The following MEF2A variants were observed in gnomAD, a reference collection of about 807,000 sequenced individuals.
The protein encoded by MEF2A is myocyte enhancer factor 2A, also known as myocyte-specific enhancer factor 2A.
Under a neutral mutation model 55.8 loss-of-function variants are expected in MEF2A, and 28 were observed. The observed-to-expected ratio is 0.50, with a 90% CI of 0.37 to 0.69. The LOEUF (loss-of-function observed/expected upper bound fraction) is 0.69. Ranked by LOEUF, MEF2A falls within the 30% of genes least tolerant of loss-of-function variation. The pLI, the probability that MEF2A is intolerant of heterozygous loss-of-function variation, is 0.00. For missense variants in MEF2A, 528 were observed against 626.2 expected, an observed-to-expected ratio of 0.84 and a Z score of 1.67; for synonymous variants, 239 against 227.1, an observed-to-expected ratio of 1.05 and a Z score of -0.47.
intron 5 of MEF2A, among the ~76,000 whole-genome samples, chr15:99,673,122 CAT>C (rs1167978721): frequency 6.6e-6 from 1 of 152,154 alleles, no homozygotes; most frequent in Non-Finnish European, 1.5e-5. Flanking sequence ...TGCATTTCCA[CAT>C]GTCAGGTTTG....
chr15:99,594,462 T>C (rs1970451081), intron 1 of MEF2A, among the ~76,000 whole-genome samples: 1 of 24,010 alleles, frequency 4.2e-5, no homozygotes, highest in African/African-American at 5.5e-5. Flanking sequence ...TTTCTTTCTT[T>C]TTTTTTTTTT....
intron 4 of MEF2A, among the ~76,000 whole-genome samples, chr15:99,665,829 T>TG (rs1276790586): frequency 1.4e-5 from 2 of 142,410 alleles, no homozygotes; most frequent in Non-Finnish European, 3.1e-5. Flanking sequence ...AACAAACATA[T>TG]GAAAAAAAGC....
chr15:99,700,075 G>T (rs532063438), intron 8 of MEF2A, among the ~76,000 whole-genome samples: 1 of 143,006 alleles, frequency 7.0e-6, no homozygotes, highest in South Asian at 2.3e-4. Context: ...GGCCAGGCTG[G>T]TCTCAAACTC....
At chr15:99,656,734 A>G (rs1024994842) in intron 4 of MEF2A, among the ~76,000 whole-genome samples, 3 of 152,152 alleles carry the variant, frequency 2.0e-5, no homozygotes, top group Admixed American at 2.0e-4. Context: ...AATTGAATGC[A>G]TATTTTAATT....
intron 4 of MEF2A, among the ~76,000 whole-genome samples, chr15:99,654,586 G>GT (rs1302078860): frequency 6.6e-6 from 1 of 151,062 alleles, no homozygotes; most frequent in African/African-American, 2.4e-5. Flanking sequence ...AAAAAAGGGG[G>GT]GGGTATTGGT....
intron 1 of MEF2A, among the ~76,000 whole-genome samples, chr15:99,585,320 T>C (rs541024727): frequency 8.5e-5 from 13 of 152,336 alleles, no homozygotes; most frequent in African/African-American, 2.9e-4. Context: ...TTACCTCCTG[T>C]AATTGGAACA....
intron 1 of MEF2A, among the ~76,000 whole-genome samples, chr15:99,572,386 T>C (rs941418879): frequency 6.6e-6 from 1 of 152,274 alleles, no homozygotes; most frequent in African/African-American, 2.4e-5. Context: ...CTGACCATCC[T>C]ATTTAATATT....
At chr15:99,599,970 C>T (rs1808177487) in intron 2 of MEF2A, among the ~76,000 whole-genome samples, 1 of 152,054 alleles carries the variant, frequency 6.6e-6, no homozygotes, top group African/African-American at 2.4e-5. Context: ...GCAAATACTG[C>T]ACCATTTTTA....
Position 99,674,416 on chromosome 15 carries a change from T to G in MEF2A, c.414T>G (p.Phe138Leu). The G allele has an allele frequency of 6.2e-7, 1 of 1,611,588 alleles. No homozygotes were observed. Among genetic ancestry groups the G allele is most frequent in the Non-Finnish European group, 8.5e-7 (1 of 1,177,918 alleles). The change falls in exon 6 of 12, where the codon TTT becomes TTG. Residue 138 changes from phenylalanine (F) to leucine (L), a missense_variant. Phe to Leu is a conservative substitution (Grantham distance 22, BLOSUM62 0). Coordinates refer to ENST00000557942, the MANE Select transcript of MEF2A (RefSeq NM_001319206.4). ...RGPPGLPPQN[F>L]SMSVTVPVTS... ...AGCCTGGTCTGCCACCTCAGAACTT[T>G]TCAATGTCTGTCACAGTTCCAGTGA...
At chr15:99,622,195 C>T (rs1393569689) in intron 2 of MEF2A, among the ~76,000 whole-genome samples, 2 of 152,124 alleles carry the variant, frequency 1.3e-5, no homozygotes, top group East Asian at 3.8e-4. Context: ...TTTTTAAAAA[C>T]ATGACACATT....
At chr15:99,583,698 A>ATAATATGTATTAATAAATATTAGCCT (rs1432652338) in intron 1 of MEF2A, among the ~76,000 whole-genome samples, 27 of 152,276 alleles carry the variant, frequency 1.8e-4, no homozygotes, top group African/African-American at 6.3e-4. Flanking sequence ...TTTGTAATTG[A>ATAATATGTATTAATAAATATTAGCCT]TAATATGTAT....
intron 1 of MEF2A, among the ~76,000 whole-genome samples, chr15:99,577,683 CTGTTCTA>C (rs1427735095): frequency 6.6e-6 from 1 of 152,096 alleles, no homozygotes; most frequent in African/African-American, 2.4e-5. Context: ...TGGTGTTTAT[CTGTTCTA>C]AGTTCTAAGT....
At chr15:99,577,369 C>T (rs1024771810) in intron 1 of MEF2A, among the ~76,000 whole-genome samples, 1 of 152,142 alleles carries the variant, frequency 6.6e-6, no homozygotes, top group African/African-American at 2.4e-5. Flanking sequence ...CAACTGGTAA[C>T]TTCATTACTT....
chr15:99,685,601 C>G (rs1330380560), intron 7 of MEF2A, among the ~76,000 whole-genome samples: 1 of 152,094 alleles, frequency 6.6e-6, no homozygotes, highest in Non-Finnish European at 1.5e-5. Flanking sequence ...TATGCCCCTT[C>G]TGTGCCAGTT....
At chr15:99,632,163 C>T (rs879300127) in intron 2 of MEF2A, among the ~76,000 whole-genome samples, 2 of 152,102 alleles carry the variant, frequency 1.3e-5, no homozygotes, top group Non-Finnish European at 2.9e-5. Flanking sequence ...TTTTTTAAGT[C>T]TTGAAGGAAA....
At chr15:99,631,260 ATG>A (rs1486943264) in intron 2 of MEF2A, among the ~76,000 whole-genome samples, 1 of 152,214 alleles carries the variant, frequency 6.6e-6, no homozygotes, top group Non-Finnish European at 1.5e-5. Context: ...CTGTAGTAAA[ATG>A]TATTAATATT....
intron 2 of MEF2A, among the ~76,000 whole-genome samples, chr15:99,613,437 C>T (rs1217874492): frequency 6.6e-6 from 1 of 152,168 alleles, no homozygotes; most frequent in East Asian, 1.9e-4. Context: ...AAACAATACA[C>T]ACTTTAACAG....
intron 1 of MEF2A, among the ~76,000 whole-genome samples, chr15:99,596,469 T>G (rs539070339): frequency 6.6e-6 from 1 of 152,290 alleles, no homozygotes; most frequent in African/African-American, 2.4e-5. Flanking sequence ...TTTGTTAGTA[T>G]AAAAAGAATA....
rs774574038 is a variant in MEF2A at position 99,674,617 on chromosome 15, G to A, written c.610+5G>A. On this transcript the variant is annotated splice_donor_5th_base_variant and intron_variant, in intron 6 of 11. Coordinates refer to ENST00000557942, the MANE Select transcript of MEF2A (RefSeq NM_001319206.4). ...CACCAAGTACTGGCAATGCAGGTAT[G>A]TAGTGATACCTATTATGCTGGTTCT... is the stretch of plus-strand genomic sequence containing the variant. 6.3e-7 allele frequency: 1 copy of A among 1,597,776 alleles called. No homozygotes were observed. Among genetic ancestry groups the A allele is most frequent in the Non-Finnish European group, 8.6e-7 (1 of 1,165,166 alleles).
Sources: gnomAD v4.1 joint callset for allele counts (sites outside exome capture counted in the v4.1 genomes callset) on GRCh38, gnomAD v4.1.1 for gene constraint, MANE v1.5 for transcripts, NCBI Gene and HGNC (gene_info 2026-07-23, HGNC 2026-07-21) for gene names.